CXCL2: variants seen among roughly 807,000 people sequenced by gnomAD.
The protein encoded by CXCL2 is C-X-C motif chemokine 2.
A neutral mutation model predicts 11.2 loss-of-function variants in CXCL2; 12 were observed. That is an observed-to-expected ratio of 1.08 (90% CI 0.69 to 1.74). The LOEUF is 1.74. Ranked by LOEUF, CXCL2 falls within the 40% of genes most tolerant of loss-of-function variation. The pLI is 0.00. For missense variants in CXCL2, 120 were observed against 137.8 expected (o/e 0.87, Z 0.65); for synonymous variants, 68 against 61.9 (o/e 1.10, Z -0.47).
At chr4:74,098,215 C>CT (rs1721322681) in intron 3 of CXCL2, among the ~76,000 whole-genome samples, 2 of 152,214 alleles carry the variant, frequency 1.3e-5, no homozygotes, top group African/African-American at 4.8e-5. Flanking sequence ...AATCTCTGCA[C>CT]TTCAACCCTA....
At chr4:74,098,479 A>G in intron 3 of CXCL2, 122 bp downstream of exon 3, 3 of 1,037,144 alleles carry the variant, frequency 2.9e-6, no homozygotes, top group Non-Finnish European at 2.8e-6. Context: ...CTTTGTGAAA[A>G]TAATAATTTT....
Position 74,097,669 on chromosome 4 carries a change from A to T in CXCL2, c.*87T>A. 1 of 1,398,884 alleles carries T rather than the reference A, an allele frequency of 7.1e-7. No homozygotes were observed. Among genetic ancestry groups the T allele is most frequent in the South Asian group, 1.8e-5 (1 of 55,474 alleles). 86.7% of individuals were successfully genotyped at this position (1,398,884 alleles called of 1,614,324 possible). A position where few individuals can be genotyped will look rare whatever the true frequency, so the allele number is the denominator to read the frequency against. ...TAGGCGCAATCCAGGTGGCCTCTGC[A>T]GCTGTGTCTCTCTTTCCTCTTCTGT... On this transcript the variant is annotated 3_prime_UTR_variant, in exon 4 of 4. Coordinates refer to ENST00000508487, the MANE Select transcript of CXCL2 (RefSeq NM_002089.4).
intron 3 of CXCL2, among the ~76,000 whole-genome samples, chr4:74,098,065 C>T (rs1218479528): frequency 1.3e-5 from 2 of 152,182 alleles, no homozygotes; most frequent in South Asian, 2.1e-4. Context: ...TCACTTGAGC[C>T]TCAAAGCAAC....
In CXCL2 at chr4:74,099,014, G is replaced by T; in HGVS notation, c.100+7C>A. On this transcript the variant is annotated splice_region_variant and intron_variant, in intron 1 of 3. Coordinates refer to ENST00000508487, the MANE Select transcript of CXCL2 (RefSeq NM_002089.4). ...CGGCCCGGGGACCCCAGGGCGCCGG[G>T]ACCCACCTGCTGCGCGCCGGCTGGC... is the stretch of plus-strand genomic sequence containing the variant. The T allele has an allele frequency of 2.0e-6, 3 of 1,525,482 alleles. No individual in the cohort carries two copies. The highest frequency in any genetic ancestry group is 2.6e-5 in the East Asian group (1 of 37,906). 94.5% of individuals were successfully genotyped at this position (1,525,482 alleles called of 1,614,324 possible).
Position 74,098,677 on chromosome 4 carries a change from G to A in CXCL2, c.232C>T (p.Leu78Phe). The change falls in exon 3 of 4, where the codon CTC becomes TTC. Residue 78 changes from leucine (L) to phenylalanine (F), a missense_variant. Transcript: ENST00000508487. ...HCAQTEVIAT[L>F]KNGQKACLNP... ...AGACAAGCTTTCTGCCCATTCTTGA[G>A]TGTGGCTCTGCAGAGAGAAGGGAAT... 1 of 1,614,156 alleles carries A rather than the reference G, an allele frequency of 6.2e-7. No individual in the cohort carries two copies. The highest frequency in any genetic ancestry group is 8.5e-7 in the Non-Finnish European group (1 of 1,180,022).
At position 74,099,154 on chromosome 4, in the gene CXCL2, G is replaced by A; in HGVS notation, c.-34C>T. The A allele has an allele frequency of 9.6e-6, 14 of 1,462,084 alleles. No individual in the cohort carries two copies. The highest frequency in any genetic ancestry group is 1.3e-5 in the Non-Finnish European group (14 of 1,110,552). 90.6% of individuals were successfully genotyped at this position (1,462,084 alleles called of 1,614,324 possible). A position where few individuals can be genotyped will look rare whatever the true frequency, so the allele number is the denominator to read the frequency against. The stretch of plus-strand genomic sequence containing the variant: ...GCAGGCGGTTCGAGCGGCTGTGCGA[G>A]GAGGAGAGCTGGCAAGGAGCTGCCT... On this transcript the variant is annotated 5_prime_UTR_variant, in exon 1 of 4. Coordinates refer to ENST00000508487, the MANE Select transcript of CXCL2 (RefSeq NM_002089.4).
chr4:74,098,578 T>C (rs1721329793), intron 3 of CXCL2, 23 bp downstream of exon 3: 8 of 1,611,120 alleles, frequency 5.0e-6, no homozygotes, highest in Non-Finnish European at 6.8e-6. Context: ...CAGTCGCCTG[T>C]GTACATGGAA....
At chr4:74,098,102 C>T (rs1334054117) in intron 3 of CXCL2, among the ~76,000 whole-genome samples, 1 of 152,174 alleles carries the variant, frequency 6.6e-6, no homozygotes, top group Non-Finnish European at 1.5e-5. Context: ...CATTATTTTC[C>T]CTGTTTTGCT....
At position 74,097,712 on chromosome 4, in the gene CXCL2, C is replaced by T. The variant is rs768414876; in HGVS notation, c.*44G>A. On this transcript the variant is annotated 3_prime_UTR_variant, in exon 4 of 4. Transcript: ENST00000508487. Reference sequence around the variant, plus strand: ...TCTTCTGTTCCTGTAAGGGCAGGGCCTCCTTCAGGAACAGCCACCAATAAG... The same window carrying T: ...TCTTCTGTTCCTGTAAGGGCAGGGCTTCCTTCAGGAACAGCCACCAATAAG... The T allele has an allele frequency of 1.1e-5, 18 of 1,581,068 alleles. No homozygotes were observed. In the South Asian group the frequency reaches 2.1e-4, roughly 18 times the overall value.
chr4:74,098,746 C>T (rs2109776017), intron 2 of CXCL2, 53 bp downstream of exon 2: 1 of 1,613,052 alleles, frequency 6.2e-7, no homozygotes, highest in Non-Finnish European at 8.5e-7. Flanking sequence ...TTTGGGGCAG[C>T]GGGAGAGTCG....
Position 74,097,739 on chromosome 4 carries a change from T to A in CXCL2, c.*17A>T. 6.2e-7 allele frequency: 1 copy of A among 1,600,982 alleles called. No individual in the cohort carries two copies. The highest frequency in any genetic ancestry group is 8.5e-7 in the Non-Finnish European group (1 of 1,172,416). On this transcript the variant is annotated 3_prime_UTR_variant, in exon 4 of 4. Coordinates refer to ENST00000508487, the MANE Select transcript of CXCL2 (RefSeq NM_002089.4). ...CCTTCAGGAACAGCCACCAATAAGC[T>A]TCCTCCTTCCTTCTGGTCAGTTGGA...
chr4:74,099,071 C>T lies in CXCL2; in HGVS notation c.50G>A (p.Arg17Gln). Reference sequence around the variant, plus strand: ...CAGGAGCAGGAGCAGCAGCGCCACCCGCAGGAGCCGGGGATTGCTGGGGGC... The same window carrying T: ...CAGGAGCAGGAGCAGCAGCGCCACCTGCAGGAGCCGGGGATTGCTGGGGGC... Reference protein sequence around the residue: ...SAAPSNPRLLRVALLLLLLVA... With the variant: ...SAAPSNPRLLQVALLLLLLVA... The change falls in exon 1 of 4, where the codon CGG becomes CAG. Residue 17 changes from arginine (R) to glutamine (Q), a missense_variant. Coordinates refer to ENST00000508487, the MANE Select transcript of CXCL2 (RefSeq NM_002089.4). 3 of 1,495,024 alleles carry T rather than the reference C, an allele frequency of 2.0e-6. No homozygotes were observed. Among genetic ancestry groups the T allele is most frequent in the Non-Finnish European group, 2.7e-6 (3 of 1,123,494 alleles). 92.6% of individuals were successfully genotyped at this position (1,495,024 alleles called of 1,614,324 possible).
In CXCL2 at chr4:74,097,409, C is replaced by G. The variant is rs1176714491; in HGVS notation, c.*347G>C. 6.3e-6 allele frequency: 1 copy of G among 159,900 alleles called. No individual in the cohort carries two copies. Among genetic ancestry groups the G allele is most frequent in the African/African-American group, 2.4e-5 (1 of 41,854 alleles). 9.9% of individuals were successfully genotyped at this position (159,900 alleles called of 1,614,324 possible). ...ATATGTCATCACGAAGAAATATTAA[C>G]AAATGACTAGAGAATATCTGCAAAC... On this transcript the variant is annotated 3_prime_UTR_variant, in exon 4 of 4. Coordinates refer to ENST00000508487, the MANE Select transcript of CXCL2 (RefSeq NM_002089.4).
intron 2 of CXCL2, 36 bp downstream of exon 2, chr4:74,098,763 C>T: frequency 6.2e-7 from 1 of 1,613,504 alleles, no homozygotes; most frequent in Non-Finnish European, 8.5e-7. Context: ...GTCGGGGACC[C>T]CAGCAGTGGC....
chr4:74,097,613 A>ATAAAT lies in CXCL2; in HGVS notation c.*142_*143insATTTA. 1.9e-6 allele frequency: 1 copy of ATAAAT among 518,800 alleles called. No homozygotes were observed. Among genetic ancestry groups the ATAAAT allele is most frequent in the Non-Finnish European group, 3.1e-6 (1 of 326,190 alleles). The allele number at this position is 518,800 out of a possible 1,614,324, so 32.1% of individuals were successfully genotyped here. On this transcript the variant is annotated 3_prime_UTR_variant, in exon 4 of 4. Coordinates refer to ENST00000508487, the MANE Select transcript of CXCL2 (RefSeq NM_002089.4). ...AATAAATAAATAAATAAATAAATAG[A>ATAAAT]AGACTTCTCCTAAGTGATGCTCAAA... is the stretch of plus-strand genomic sequence containing the variant.
Position 74,097,582 on chromosome 4 carries a change from C to CAAAT in CXCL2, c.*173_*174insATTT, listed in dbSNP as rs1324684475. ...AATATTAACATAGAATCTTCTAAAA[C>CAAAT]AAACAAATAAATAAATAAATAAATA... On this transcript the variant is annotated 3_prime_UTR_variant, in exon 4 of 4. Coordinates refer to ENST00000508487, the MANE Select transcript of CXCL2 (RefSeq NM_002089.4). The CAAAT allele has an allele frequency of 1.4e-5, 6 of 425,892 alleles. No individual in the cohort carries two copies. The highest frequency in any genetic ancestry group is 5.5e-5 in the Admixed American group (1 of 18,244). The allele number at this position is 425,892 out of a possible 1,614,324, so 26.4% of individuals were successfully genotyped here. A position where few individuals can be genotyped will look rare whatever the true frequency, so the allele number is the denominator to read the frequency against.
At position 74,097,040 on chromosome 4, in the gene CXCL2, T is replaced by C. The variant is rs1402071665; in HGVS notation, c.*716A>G. The C allele has an allele frequency of 1.3e-5, 2 of 152,256 alleles. No individual in the cohort carries two copies. Among genetic ancestry groups the C allele is most frequent in the African/African-American group, 4.8e-5 (2 of 41,470 alleles). 9.4% of individuals were successfully genotyped at this position (152,256 alleles called of 1,614,324 possible). On this transcript the variant is annotated 3_prime_UTR_variant, in exon 4 of 4. Coordinates refer to ENST00000508487, the MANE Select transcript of CXCL2 (RefSeq NM_002089.4). ...CCCCCAAAATAAAACAAACATTTTA[T>C]ATTTTTAAATATTTTATTTTCCTGT...
At chr4:74,098,525 T>C (rs1315522428) in intron 3 of CXCL2, 76 bp downstream of exon 3, 9 of 1,477,430 alleles carry the variant, frequency 6.1e-6, no homozygotes, top group Admixed American at 3.7e-5. Flanking sequence ...TTTCCTGATT[T>C]ACTTTTTAGG....
At position 74,097,156 on chromosome 4, in the gene CXCL2, C is replaced by T. The variant is rs556237137; in HGVS notation, c.*600G>A. 1.3e-5 allele frequency: 2 copies of T among 152,268 alleles called. No individual in the cohort carries two copies. The highest frequency in any genetic ancestry group is 4.1e-4 in the South Asian group (2 of 4,830). 9.4% of individuals were successfully genotyped at this position (152,268 alleles called of 1,614,324 possible). Reference sequence around the variant, plus strand: ...ATTAACATTAAACAAGGCAGTATGCCTTACAAGAAAGACATAAAATGTCCA... The same window carrying T: ...ATTAACATTAAACAAGGCAGTATGCTTTACAAGAAAGACATAAAATGTCCA... On this transcript the variant is annotated 3_prime_UTR_variant, in exon 4 of 4. Transcript: ENST00000508487.
Sources: allele counts gnomAD v4.1 joint callset (sites outside exome capture counted in the v4.1 genomes callset), GRCh38; gene constraint gnomAD v4.1.1; transcripts MANE v1.5; gene names NCBI Gene and HGNC (gene_info 2026-07-23, HGNC 2026-07-21).